Variants in PIWIL2 observed in about 807,000 individuals in gnomAD.
PIWIL2 encodes piwi-like protein 2.
In PIWIL2, 81 loss-of-function variants were observed where a neutral mutation model predicts 116.5. The ratio of observed to expected loss-of-function variants is 0.70; its 90% CI spans 0.58 to 0.84. PIWIL2 has a LOEUF of 0.84. PIWIL2 is among the 40% of genes least tolerant of loss of function. The pLI is 0.00. For synonymous variants in PIWIL2, 489 were observed against 429.5 expected, an observed-to-expected ratio of 1.14 and a Z score of -1.71; for missense variants, 1,272 against 1,212.3, an observed-to-expected ratio of 1.05 and a Z score of -0.73.
rs1831323574 is a variant in PIWIL2 at position 22,311,256 on chromosome 8, A to G, written c.1945A>G (p.Ile649Val). The G allele has an allele frequency of 1.2e-6, 2 of 1,614,070 alleles. No individual in the cohort carries two copies. The highest frequency in any genetic ancestry group is 1.3e-5 in the African/African-American group (1 of 74,934). The change falls in exon 16 of 23, where the codon ATA becomes GTA. Residue 649 changes from isoleucine to valine, a missense_variant. Coordinates refer to ENST00000356766, the MANE Select transcript of PIWIL2 (RefSeq NM_018068.5). ...CTGGGTTGAACTAAAGGATGACCGA[A>G]TAGAGACTTATGTCAGAACCATTCA... ...PAWVELKDDR[I>V]ETYVRTIQST...
intron 13 of PIWIL2, 53 bp from the exon 14 acceptor site, chr8:22,307,880 T>C: frequency 6.9e-7 from 1 of 1,444,290 alleles, no homozygotes; most frequent in Non-Finnish European, 9.5e-7. Context: ...TTTATTTAAC[T>C]TCATATTGGT....
chr8:22,351,819 G>A (rs998913830), intron 20 of PIWIL2, among the ~76,000 whole-genome samples: 4 of 151,642 alleles, frequency 2.6e-5, no homozygotes, highest in African/African-American at 7.3e-5. Flanking sequence ...GATTACAGGC[G>A]TGACCCACCG....
At chr8:22,312,882 C>A (rs902035535) in intron 16 of PIWIL2, among the ~76,000 whole-genome samples, 1 of 152,162 alleles carries the variant, frequency 6.6e-6, no homozygotes, top group Non-Finnish European at 1.5e-5. Flanking sequence ...CTCAATCAGT[C>A]CTCCCACCTC....
At chr8:22,308,150 G>T (rs1586563187) in intron 14 of PIWIL2, 77 bp downstream of exon 14, 2 of 1,183,412 alleles carry the variant, frequency 1.7e-6, no homozygotes, top group Non-Finnish European at 2.4e-6. Context: ...TCCTTTTGTT[G>T]TCAGTATATT....
chr8:22,350,309 C>G (rs1035580272), intron 20 of PIWIL2, among the ~76,000 whole-genome samples: 1 of 152,036 alleles, frequency 6.6e-6, no homozygotes, highest in African/African-American at 2.4e-5. Flanking sequence ...TTTAAGGGTA[C>G]TACAGGCCAG....
At chr8:22,277,948 C>A (rs140815091) in intron 1 of PIWIL2, among the ~76,000 whole-genome samples, 4,375 of 151,748 alleles carry the variant, frequency 0.029, 97 homozygotes, top group Non-Finnish European at 0.048. Flanking sequence ...GTGGGCTGAT[C>A]GCCTGAGGTC....
At chr8:22,334,530 AAAG>A (rs1348100894) in intron 20 of PIWIL2, among the ~76,000 whole-genome samples, 3 of 151,106 alleles carry the variant, frequency 2.0e-5, no homozygotes, top group African/African-American at 7.3e-5. Context: ...AAAAAAAAAA[AAAG>A]AAAAGAAAAT....
Position 22,356,071 on chromosome 8 carries a change from CA to C in PIWIL2, c.*583del, listed in dbSNP as rs10710520. On this transcript the variant is annotated 3_prime_UTR_variant, in exon 23 of 23. Transcript: ENST00000356766. ...CTGTTGACAAAGCAAGACTCTGTCT[CA>C]AAAAAAAAAAAAAAAAGCCAACATG... is the stretch of plus-strand genomic sequence containing the variant. 0.021 allele frequency: 1,741 copies of C among 84,350 alleles called. 32 individuals carry two copies. Among genetic ancestry groups the C allele is most frequent in the African/African-American group, 0.054 (1,260 of 23,308 alleles). 5.2% of individuals were successfully genotyped at this position (84,350 alleles called of 1,614,324 possible). A position where few individuals can be genotyped will look rare whatever the true frequency, so the allele number is the denominator to read the frequency against.
chr8:22,293,058 CTA>C (rs1411137597), intron 10 of PIWIL2, among the ~76,000 whole-genome samples: 1 of 152,176 alleles, frequency 6.6e-6, no homozygotes, highest in African/African-American at 2.4e-5. Flanking sequence ...TTCAAATCGG[CTA>C]TTTCTTTTTT....
At chr8:22,330,171 T>C (rs1239753981) in intron 20 of PIWIL2, among the ~76,000 whole-genome samples, 2 of 152,132 alleles carry the variant, frequency 1.3e-5, no homozygotes, top group East Asian at 3.9e-4. Flanking sequence ...TAATCTCAAC[T>C]GACATCGTTT....
intron 19 of PIWIL2, 100 bp from the exon 20 acceptor site, chr8:22,318,070 T>C: frequency 1.5e-6 from 1 of 680,924 alleles, no homozygotes. Flanking sequence ...TTTGGATTGA[T>C]TGGTAGAGAA....
Position 22,293,101 on chromosome 8 carries a change from AT to A in PIWIL2, c.1181+2760del, listed in dbSNP as rs1406129093. Among the ~76,000 whole-genome samples the A allele has an allele frequency of 6.6e-5, 10 of 151,830 alleles. No individual in the cohort carries two copies. The East Asian group carries it at 1.9e-3, about 29-fold the overall frequency. ...TTTCTGCCTTTGCTTTTATATATTT[AT>A]TTTTCTTGCATGTACTTTCAGTGAA... On this transcript the variant is annotated intron_variant, in intron 10 of 22. Coordinates refer to ENST00000356766, the MANE Select transcript of PIWIL2 (RefSeq NM_018068.5).
intron 1 of PIWIL2, among the ~76,000 whole-genome samples, chr8:22,278,816 T>C (rs576176284): frequency 6.6e-6 from 1 of 152,290 alleles, no homozygotes; most frequent in East Asian, 1.9e-4. Flanking sequence ...ATTCTCATTG[T>C]GCAAACCCTC....
chr8:22,350,035 TGA>T (rs1563433530), intron 20 of PIWIL2, among the ~76,000 whole-genome samples: 1 of 152,158 alleles, frequency 6.6e-6, no homozygotes, highest in Non-Finnish European at 1.5e-5. Flanking sequence ...GTCATAAGGG[TGA>T]GAGGTTGCTC....
intron 13 of PIWIL2, among the ~76,000 whole-genome samples, chr8:22,307,434 AAG>A (rs1417087495): frequency 1.3e-5 from 2 of 151,688 alleles, no homozygotes; most frequent in African/African-American, 2.4e-5. Flanking sequence ...CACATCATGA[AAG>A]AGAGAGTCGA....
At position 22,279,601 on chromosome 8, in the gene PIWIL2, A is replaced by G; in HGVS notation, c.198+17A>G. ...GCACAAAGGGTAAGACCACTTCCGGATGCATAGGAGTGGCATACAGCTTAC... is the reference window on the plus strand; with the variant it reads ...GCACAAAGGGTAAGACCACTTCCGGGTGCATAGGAGTGGCATACAGCTTAC... On this transcript the variant is annotated intron_variant, in intron 2 of 22. Coordinates refer to ENST00000356766, the MANE Select transcript of PIWIL2 (RefSeq NM_018068.5). The G allele has an allele frequency of 1.2e-6, 2 of 1,608,544 alleles. No individual in the cohort carries two copies. The highest frequency in any genetic ancestry group is 1.7e-6 in the Non-Finnish European group (2 of 1,175,052).
intron 1 of PIWIL2, among the ~76,000 whole-genome samples, chr8:22,276,309 TTTTG>T (rs561089973): frequency 1.2e-4 from 19 of 152,310 alleles, no homozygotes; most frequent in African/African-American, 2.9e-4. Context: ...AAGACAGCTT[TTTTG>T]TTTGTTTGTT....
intron 20 of PIWIL2, among the ~76,000 whole-genome samples, chr8:22,340,045 A>ATTTTTTTTTTT (rs10626386): frequency 6.4e-5 from 6 of 93,772 alleles, no homozygotes; most frequent in Non-Finnish European, 7.8e-5. Flanking sequence ...TATAAAAAGA[A>ATTTTTTTTTTT]TTTTTTTTTT....
At chr8:22,304,665 C>G (rs1831132481) in intron 11 of PIWIL2, 119 bp from the exon 12 acceptor site, 1 of 586,660 alleles carries the variant, frequency 1.7e-6, no homozygotes, top group Admixed American at 2.9e-5. Flanking sequence ...GCAGTGGCTC[C>G]TTGACAAGAG....
Sources: allele counts gnomAD v4.1 joint callset (sites outside exome capture counted in the v4.1 genomes callset), GRCh38; gene constraint gnomAD v4.1.1; transcripts MANE v1.5; gene names NCBI Gene and HGNC (gene_info 2026-07-23, HGNC 2026-07-21).